NTN4: variants seen among roughly 807,000 people sequenced by gnomAD.
The protein encoded by NTN4 is netrin 4, also known as netrin-4.
Under a neutral mutation model 73.6 loss-of-function variants are expected in NTN4, and 32 were observed. The observed-to-expected ratio is 0.44, with a 90% CI of 0.33 to 0.58. The LOEUF (loss-of-function observed/expected upper bound fraction) is 0.58, where lower values mean the gene tolerates loss of function less well. NTN4 is among the 20% of genes least tolerant of loss of function. NTN4 has a pLI of 0.04. For synonymous variants in NTN4, 258 were observed against 287.5 expected (o/e 0.90, Z 1.04); for missense variants, 654 against 798.3 (o/e 0.82, Z 2.18).
chr12:95,751,142 C>A (rs1388284001), intron 2 of NTN4, among the ~76,000 whole-genome samples: 1 of 152,214 alleles, frequency 6.6e-6, no homozygotes, highest in Non-Finnish European at 1.5e-5. Context: ...CTGCTCCCGA[C>A]ATTAAATAAA....
At position 95,790,247 on chromosome 12, in the gene NTN4, C is replaced by A; in HGVS notation, c.55+8G>T. On this transcript the variant is annotated splice_region_variant and intron_variant, in intron 1 of 9. Transcript: ENST00000343702. The surrounding 1 kb of genome is among the most constrained non-coding windows in gnomAD (Gnocchi z 6.5). ...AAGGGGTGGGGGCCCCGCCGCGTCA[C>A]CACCCACCTGCGGCCACCACCGTGC... 1 of 1,532,904 alleles carries A rather than the reference C, an allele frequency of 6.5e-7. No homozygotes were observed. The highest frequency in any genetic ancestry group is 1.2e-5 in the South Asian group (1 of 82,238). 95.0% of individuals were successfully genotyped at this position (1,532,904 alleles called of 1,614,324 possible). A position where few individuals can be genotyped will look rare whatever the true frequency, so the allele number is the denominator to read the frequency against.
chr12:95,717,255 G>A (rs763068506), intron 3 of NTN4, among the ~76,000 whole-genome samples: 1 of 152,132 alleles, frequency 6.6e-6, no homozygotes, highest in South Asian at 2.1e-4. Context: ...AGGCCTATAC[G>A]TAATATCACC....
chr12:95,677,448 G>A (rs556621024), intron 7 of NTN4, among the ~76,000 whole-genome samples: 33 of 152,014 alleles, frequency 2.2e-4, no homozygotes, highest in South Asian at 4.2e-4. Context: ...GAAAAAAAAC[G>A]TAGTGGGTAA....
intron 8 of NTN4, among the ~76,000 whole-genome samples, chr12:95,668,676 C>T (rs2078201891): frequency 1.3e-5 from 2 of 152,286 alleles, no homozygotes; most frequent in East Asian, 1.9e-4. Context: ...ATATTTCAGG[C>T]CATATATATT....
rs532537154 is a variant in NTN4 at position 95,789,098 on chromosome 12, G to A, written c.55+1157C>T. ...ATTTTAAATGCCCCTAAACTCCTAA[G>A]TCCAGAAAAGATTTGAGCCAGATAA... On this transcript the variant is annotated intron_variant, in intron 1 of 9. Coordinates refer to ENST00000343702, the MANE Select transcript of NTN4 (RefSeq NM_021229.4). The surrounding 1 kb of genome is among the most constrained non-coding windows in gnomAD (Gnocchi z 4.0). 3.3e-5 allele frequency among the ~76,000 whole-genome samples: 5 copies of A among 152,272 alleles called. No homozygotes were observed. The South Asian group carries it at 1.0e-3, about 32-fold the overall frequency.
intron 3 of NTN4, among the ~76,000 whole-genome samples, chr12:95,728,043 T>C (rs2078708258): frequency 6.6e-6 from 1 of 152,208 alleles, no homozygotes. Context: ...CTCTCTATTT[T>C]ATTCTTTTTT....
intron 2 of NTN4, among the ~76,000 whole-genome samples, chr12:95,752,967 T>A (rs2078921415): frequency 6.6e-6 from 1 of 152,220 alleles, no homozygotes; most frequent in African/African-American, 2.4e-5. Flanking sequence ...CTGTGCTCGC[T>A]CTTTAAGTCC....
intron 9 of NTN4, among the ~76,000 whole-genome samples, chr12:95,663,113 C>G (rs1565875147): frequency 7.0e-6 from 1 of 142,546 alleles, no homozygotes; most frequent in African/African-American, 2.7e-5. Context: ...GCAGAGAACC[C>G]TGTCTTTAAA....
At chr12:95,666,022 C>A in intron 8 of NTN4, 42 bp from the exon 9 acceptor site, 3 of 1,427,064 alleles carry the variant, frequency 2.1e-6, no homozygotes, top group South Asian at 2.6e-5. Flanking sequence ...TTCATATTAT[C>A]ATTTGAAGTT....
At chr12:95,752,285 C>A in intron 2 of NTN4, among the ~76,000 whole-genome samples, 1 of 150,450 alleles carries the variant, frequency 6.6e-6, no homozygotes, top group Non-Finnish European at 1.5e-5. Flanking sequence ...ACAAGCCTTA[C>A]AAGTTAGTTC....
At chr12:95,664,752 A>G (rs2078166638) in intron 9 of NTN4, among the ~76,000 whole-genome samples, 1 of 152,080 alleles carries the variant, frequency 6.6e-6, no homozygotes, top group Admixed American at 6.6e-5. Flanking sequence ...AGCTGGGACT[A>G]CAGGCACATA....
intron 5 of NTN4, among the ~76,000 whole-genome samples, chr12:95,704,656 C>T (rs995579791): frequency 6.6e-6 from 1 of 152,092 alleles, no homozygotes; most frequent in African/African-American, 2.4e-5. Context: ...GTAGAGAGAA[C>T]TGGATGTGCT....
intron 9 of NTN4, among the ~76,000 whole-genome samples, chr12:95,663,976 A>G (rs534310812): frequency 4.6e-5 from 7 of 152,290 alleles, no homozygotes; most frequent in African/African-American, 1.4e-4. Context: ...TAGAACTTAC[A>G]TGAATTATTT....
At chr12:95,784,644 G>C (rs189316044) in intron 2 of NTN4, among the ~76,000 whole-genome samples, 1 of 152,176 alleles carries the variant, frequency 6.6e-6, no homozygotes, top group Non-Finnish European at 1.5e-5. Flanking sequence ...GTGTGCACCT[G>C]TAATCCCAGG....
At chr12:95,779,790 A>G (rs1469188443) in intron 2 of NTN4, among the ~76,000 whole-genome samples, 4 of 152,228 alleles carry the variant, frequency 2.6e-5, no homozygotes, top group Non-Finnish European at 4.4e-5. Flanking sequence ...TTTCTTCACA[A>G]AATTGGAAAA....
At position 95,742,721 on chromosome 12, in the gene NTN4, A is replaced by G. The variant is rs557634510; in HGVS notation, c.586-4577T>C. Among the ~76,000 whole-genome samples the G allele has an allele frequency of 1.7e-4, 26 of 152,258 alleles. 1 individual carries two copies. In the South Asian group the frequency reaches 5.4e-3, roughly 32 times the overall value. On this transcript the variant is annotated intron_variant, in intron 2 of 9. Transcript: ENST00000343702. Reference sequence around the variant, plus strand: ...TGTTGTTGCCTATTTACTTGTCTGTATCTCACATCAGACTCAGTGCTCAGA... The same window carrying G: ...TGTTGTTGCCTATTTACTTGTCTGTGTCTCACATCAGACTCAGTGCTCAGA...
chr12:95,697,233 G>A (rs904487666), intron 5 of NTN4, among the ~76,000 whole-genome samples: 11 of 151,510 alleles, frequency 7.3e-5, no homozygotes, highest in Admixed American at 2.0e-4. Context: ...TTCTCCACCC[G>A]TAAGTACCTT....
In NTN4 at chr12:95,703,237, A is replaced by C. The variant is rs2078499576; in HGVS notation, c.1180+7204T>G. Among the ~76,000 whole-genome samples the C allele has an allele frequency of 3.3e-5, 5 of 152,354 alleles. 1 individual carries two copies. The South Asian group carries it at 1.0e-3, about 32-fold the overall frequency. On this transcript the variant is annotated intron_variant, in intron 5 of 9. Coordinates refer to ENST00000343702, the MANE Select transcript of NTN4 (RefSeq NM_021229.4). ...GGGCTGTCATATGTTCATTGCTGGC[A>C]GTCCAATAGACTAGATTGCCCAAGC...
chr12:95,744,400 G>C (rs975605132), intron 2 of NTN4, among the ~76,000 whole-genome samples: 2 of 152,018 alleles, frequency 1.3e-5, no homozygotes, highest in African/African-American at 4.8e-5. Context: ...TATATTTAAA[G>C]TGAGCTTCTT....
Sources: allele counts gnomAD v4.1 joint callset (sites outside exome capture counted in the v4.1 genomes callset), GRCh38; gene constraint gnomAD v4.1.1; non-coding constraint Gnocchi (gnomAD v3.1); transcripts MANE v1.5; gene names NCBI Gene and HGNC (gene_info 2026-07-23, HGNC 2026-07-21).